SORL1: variants seen among roughly 807,000 people sequenced by gnomAD.
SORL1 encodes sortilin-related receptor.
SORL1 carries 127 observed loss-of-function variants against 273.7 expected under a neutral mutation model. That is an observed-to-expected ratio of 0.46 (90% confidence interval 0.40 to 0.54). The LOEUF is 0.54. Among genes scored for constraint, SORL1 ranks in the 20% least tolerant of loss-of-function variants. The pLI is 0.00. For synonymous variants in SORL1, 1,031 were observed against 1,067.4 expected, an observed-to-expected ratio of 0.97 and a Z score of 0.66; for missense variants, 2,494 against 2,846.1, an observed-to-expected ratio of 0.88 and a Z score of 2.81.
At chr11:121,475,958 C>G (rs1228312734) in intron 2 of SORL1, among the ~76,000 whole-genome samples, 1 of 152,100 alleles carries the variant, frequency 6.6e-6, no homozygotes, top group Non-Finnish European at 1.5e-5. Context: ...TGCTATGCCC[C>G]AGGTACACTG....
intron 32 of SORL1, among the ~76,000 whole-genome samples, chr11:121,602,625 G>A (rs189831031): frequency 1.3e-3 from 195 of 152,312 alleles, no homozygotes; most frequent in African/African-American, 4.3e-3. Context: ...GAAGAGGGAG[G>A]GGGTCGAGGT....
At chr11:121,463,445 A>G (rs1861034583) in intron 1 of SORL1, among the ~76,000 whole-genome samples, 1 of 152,212 alleles carries the variant, frequency 6.6e-6, no homozygotes, top group African/African-American at 2.4e-5. Context: ...TCTCGCTGCC[A>G]AGGATCAATC....
chr11:121,616,493 G>A (rs1863644081), intron 41 of SORL1, among the ~76,000 whole-genome samples: 2 of 152,080 alleles, frequency 1.3e-5, no homozygotes, highest in Admixed American at 6.6e-5. Flanking sequence ...CCTCTCCAGA[G>A]ACACCCCATC....
In SORL1 at chr11:121,627,483, G is replaced by A. The variant is rs1591359852; in HGVS notation, c.6365-72G>A. On this transcript the variant is annotated intron_variant, in intron 46 of 47. Coordinates refer to ENST00000260197, the MANE Select transcript of SORL1 (RefSeq NM_003105.6). The surrounding 1 kb of genome is among the most constrained non-coding windows in gnomAD (Gnocchi z 4.9). The stretch of plus-strand genomic sequence containing the variant: ...TCGCCCAGCTTTTTTTGGTGGGTGG[G>A]GCCTTGAGGAGTCATCTGGTCTGTT... The A allele has an allele frequency of 1.6e-6, 2 of 1,274,106 alleles. No homozygotes were observed. The highest frequency in any genetic ancestry group is 2.3e-6 in the Non-Finnish European group (2 of 879,388). The allele number at this position is 1,274,106 out of a possible 1,614,324, so 78.9% of individuals were successfully genotyped here. A position where few individuals can be genotyped will look rare whatever the true frequency, so the allele number is the denominator to read the frequency against.
chr11:121,618,216 A>G (rs1863666918), intron 41 of SORL1, among the ~76,000 whole-genome samples: 2 of 152,108 alleles, frequency 1.3e-5, no homozygotes, highest in Admixed American at 1.3e-4. Context: ...CCAGGCAGCA[A>G]TTCTCAATCA....
intron 11 of SORL1, among the ~76,000 whole-genome samples, chr11:121,523,331 A>G (rs1000169807): frequency 6.6e-6 from 1 of 152,150 alleles, no homozygotes; most frequent in Admixed American, 6.5e-5. Context: ...TGCTGCATGT[A>G]TCAGCAAATT....
intron 12 of SORL1, among the ~76,000 whole-genome samples, chr11:121,540,332 A>G (rs3781827): frequency 0.44 from 66,063 of 151,092 alleles, 14,671 homozygotes; most frequent in Middle Eastern, 0.54. Context: ...GAACAGTTTG[A>G]TTTCTTCATT....
At chr11:121,562,408 CA>C (rs1234998080) in intron 21 of SORL1, among the ~76,000 whole-genome samples, 2 of 152,136 alleles carry the variant, frequency 1.3e-5, no homozygotes, top group African/African-American at 2.4e-5. Context: ...AACCACTGTC[CA>C]AAAATATATA....
intron 11 of SORL1, among the ~76,000 whole-genome samples, chr11:121,529,699 G>T (rs1565325947): frequency 6.6e-6 from 1 of 152,094 alleles, no homozygotes; most frequent in Non-Finnish European, 1.5e-5. Context: ...ACCATGCCCA[G>T]TTCTTTGAAG....
chr11:121,630,540 A>G lies in SORL1; in HGVS notation c.*977A>G, dbSNP rs1863860592. On this transcript the variant is annotated 3_prime_UTR_variant, in exon 48 of 48. Transcript: ENST00000260197. The stretch of plus-strand genomic sequence containing the variant: ...ACTGAAGGATCTCAGATGTAAAATT[A>G]TGTATTTGGTTTGAGATGGCCACTT... 1 of 152,194 alleles carries G rather than the reference A, an allele frequency of 6.6e-6. No individual in the cohort carries two copies. Among genetic ancestry groups the G allele is most frequent in the African/African-American group, 2.4e-5 (1 of 41,424 alleles). The allele number at this position is 152,194 out of a possible 1,614,324, so 9.4% of individuals were successfully genotyped here.
intron 5 of SORL1, among the ~76,000 whole-genome samples, chr11:121,491,856 C>A (rs1430854091): frequency 3.9e-5 from 6 of 152,158 alleles, no homozygotes; most frequent in Non-Finnish European, 8.8e-5. Flanking sequence ...TGCTTTGAAC[C>A]CTTTAATGCT....
chr11:121,618,451 A>G (rs1863670516), intron 41 of SORL1, among the ~76,000 whole-genome samples: 1 of 151,804 alleles, frequency 6.6e-6, no homozygotes, highest in Non-Finnish European at 1.5e-5. Flanking sequence ...CTGGCTCATC[A>G]TGTGGGTTTC....
chr11:121,471,683 A>G (rs536948160), intron 2 of SORL1, among the ~76,000 whole-genome samples: 2 of 152,236 alleles, frequency 1.3e-5, no homozygotes, highest in Admixed American at 1.3e-4. Flanking sequence ...CTGTATATCC[A>G]CTGTCTGGGT....
At chr11:121,545,149 G>A in intron 13 of SORL1, 94 bp from the exon 14 acceptor site, 2 of 1,147,368 alleles carry the variant, frequency 1.7e-6, no homozygotes, top group Non-Finnish European at 1.3e-6. Flanking sequence ...AGATAGACAG[G>A]AAGTGGGGGT....
At chr11:121,590,406 AGCCTTCCTACTC>A (rs1863191684) in intron 30 of SORL1, 1 of 525,118 alleles carries the variant, frequency 1.9e-6, no homozygotes, top group Non-Finnish European at 3.4e-6. Context: ...AGAAGTCTAG[AGCCTTCCTACTC>A]AAAGTATGGT....
intron 21 of SORL1, among the ~76,000 whole-genome samples, chr11:121,560,093 G>T (rs140500754): frequency 5.9e-5 from 9 of 152,212 alleles, no homozygotes; most frequent in Non-Finnish European, 2.9e-5. Context: ...CTCATTGACC[G>T]TACCTACCTC....
At chr11:121,557,453 T>A in intron 19 of SORL1, 48 bp downstream of exon 19, 2 of 1,308,466 alleles carry the variant, frequency 1.5e-6, no homozygotes, top group African/African-American at 1.5e-5. Context: ...AATGCTACAC[T>A]AATAGATTCT....
At chr11:121,524,392 C>A (rs1239711544) in intron 11 of SORL1, among the ~76,000 whole-genome samples, 1 of 152,246 alleles carries the variant, frequency 6.6e-6, no homozygotes, top group Admixed American at 6.5e-5. Flanking sequence ...GGGCAGCTGT[C>A]AGTGCCTCCC....
rs1167958261 is a variant in SORL1 at position 121,550,095 on chromosome 11, A to G, written c.2180+7A>G. On this transcript the variant is annotated splice_region_variant and intron_variant, in intron 15 of 47. Coordinates refer to ENST00000260197, the MANE Select transcript of SORL1 (RefSeq NM_003105.6). The surrounding 1 kb of genome is among the most constrained non-coding windows in gnomAD (Gnocchi z 5.3). ...CTTACAGGAGAACGAGAGGGTATGTATCACAGAGGTTGCCCTGTCAGGTTC... is the reference window on the plus strand; with the variant it reads ...CTTACAGGAGAACGAGAGGGTATGTGTCACAGAGGTTGCCCTGTCAGGTTC... The G allele has an allele frequency of 6.2e-7, 1 of 1,611,688 alleles. No homozygotes were observed. Among genetic ancestry groups the G allele is most frequent in the African/African-American group, 1.3e-5 (1 of 74,966 alleles).
Sources: gnomAD v4.1 joint callset for allele counts (sites outside exome capture counted in the v4.1 genomes callset) on GRCh38, gnomAD v4.1.1 for gene constraint, Gnocchi (gnomAD v3.1) non-coding constraint, MANE v1.5 for transcripts, NCBI Gene and HGNC (gene_info 2026-07-23, HGNC 2026-07-21) for gene names.